The following CHD3 variants were observed in gnomAD, a reference collection of about 807,000 sequenced individuals.
The protein encoded by CHD3 is ATP-dependent chromatin remodeler CHD3.
Under a neutral mutation model 248.9 loss-of-function variants are expected in CHD3, and 52 were observed. The observed-to-expected ratio is 0.21, with a 90% CI of 0.17 to 0.26. The LOEUF is 0.26. Among genes scored for constraint, CHD3 ranks in the 10% least tolerant of loss-of-function variants. The probability of loss-of-function intolerance (pLI) is 1.00; values close to 1 mark genes in which losing one functional copy is unlikely to be tolerated. For synonymous variants in CHD3, 985 were observed against 985.2 expected (o/e 1.00, Z 0.00); for missense variants, 1,482 against 2,605.8 (o/e 0.57, Z 9.39).
Position 7,897,621 on chromosome 17 carries a change from T to C in CHD3, c.1919+327T>C, listed in dbSNP as rs550329451. Among the ~76,000 whole-genome samples the C allele has an allele frequency of 6.6e-6, 1 of 152,196 alleles. No homozygotes were observed. The highest frequency in any genetic ancestry group is 1.5e-5 in the Non-Finnish European group (1 of 68,032). On this transcript the variant is annotated intron_variant, in intron 11 of 39. Transcript: ENST00000330494. The surrounding 1 kb of genome is among the most constrained non-coding windows in gnomAD (Gnocchi z 4.8). ...AGACCAGTGTTTTGAATGTTTCTTC[T>C]TCATAGTACTTATTACTGCCTAAAC...
At chr17:7,890,544 A>C in intron 2 of CHD3, 27 bp from the exon 3 acceptor site, 1 of 1,485,278 alleles carries the variant, frequency 6.7e-7, no homozygotes, top group Non-Finnish European at 9.1e-7. Flanking sequence ...GGGATGAATA[A>C]ATGTTATTTT....
chr17:7,909,389 G>A lies in CHD3; in HGVS notation c.5590+51G>A. On this transcript the variant is annotated intron_variant, in intron 37 of 39. Coordinates refer to ENST00000330494, the MANE Select transcript of CHD3 (RefSeq NM_001005273.3). The surrounding 1 kb of genome is among the most constrained non-coding windows in gnomAD (Gnocchi z 8.1). Reference sequence around the variant, plus strand: ...GGGGAGGGCCCACAACGCTGCGTAAGTCTTCACCCCGCACCCCTCAAAATC... The same window carrying A: ...GGGGAGGGCCCACAACGCTGCGTAAATCTTCACCCCGCACCCCTCAAAATC... 1 of 1,495,138 alleles carries A rather than the reference G, an allele frequency of 6.7e-7. No homozygotes were observed. The highest frequency in any genetic ancestry group is 8.9e-7 in the Non-Finnish European group (1 of 1,119,828). The allele number at this position is 1,495,138 out of a possible 1,614,324, so 92.6% of individuals were successfully genotyped here.
In CHD3 at chr17:7,890,689, A is replaced by T. The variant is rs1244841378; in HGVS notation, c.332A>T (p.Lys111Met). 1.2e-6 allele frequency: 2 copies of T among 1,602,480 alleles called. No homozygotes were observed. The highest frequency in any genetic ancestry group is 1.4e-5 in the African/African-American group (1 of 73,520). Reference sequence around the variant, plus strand: ...CGAAGAAGGAAGCACCGAGAAAAAAAGGAGAAGAAGACAAAGCGGCGGAAA... The same window carrying T: ...CGAAGAAGGAAGCACCGAGAAAAAATGGAGAAGAAGACAAAGCGGCGGAAA... ...RKRRRKHREK[K>M]EKKTKRRKKG... The change falls in exon 3 of 40, where the codon AAG becomes ATG. Residue 111 changes from lysine to methionine, a missense_variant. Coordinates refer to ENST00000330494, the MANE Select transcript of CHD3 (RefSeq NM_001005273.3).
chr17:7,911,572 G>T lies in CHD3; in HGVS notation c.5990G>T (p.Cys1997Phe). ...GAGCCCCGAGCCGGGGAGGTGATCT[G>T]TATAGACGACTGACTGGATCCCAGG... Reference protein sequence around the residue: ...RKEPRAGEVICIDD With the variant: ...RKEPRAGEVIFIDD The change falls in exon 40 of 40, where the codon TGT (cysteine) becomes TTT (phenylalanine). Residue 1997 changes from cysteine to phenylalanine, a missense_variant. Cys to Phe is a radical substitution (Grantham distance 205). This residue lies in a region of CHD3 where 117 missense variants were observed against 137.2 expected (regional missense o/e 0.85). Coordinates refer to ENST00000330494, the MANE Select transcript of CHD3 (RefSeq NM_001005273.3). This position sits in a 1 kb window ranked among gnomAD's most constrained non-coding sequence, Gnocchi z 5.4. 1 of 1,614,128 alleles carries T rather than the reference G, an allele frequency of 6.2e-7. No homozygotes were observed. The highest frequency in any genetic ancestry group is 8.5e-7 in the Non-Finnish European group (1 of 1,179,980).
In CHD3 at chr17:7,910,343, C is replaced by T; in HGVS notation, c.5591-85C>T. The T allele has an allele frequency of 6.6e-7, 1 of 1,521,176 alleles. No homozygotes were observed. The highest frequency in any genetic ancestry group is 9.1e-7 in the Non-Finnish European group (1 of 1,096,316). The allele number at this position is 1,521,176 out of a possible 1,614,324, so 94.2% of individuals were successfully genotyped here. Reference sequence around the variant, plus strand: ...CGCTCTTTTTCTGCCTGTATCTGTCCATCTGATGCCTCTCTTTTCCTGGCT... The same window carrying T: ...CGCTCTTTTTCTGCCTGTATCTGTCTATCTGATGCCTCTCTTTTCCTGGCT... On this transcript the variant is annotated intron_variant, in intron 37 of 39. Transcript: ENST00000330494. The surrounding 1 kb of genome is among the most constrained non-coding windows in gnomAD (Gnocchi z 4.7).
upstream of CHD3, among the ~76,000 whole-genome samples, chr17:7,885,710 C>T (rs1597897900): frequency 6.6e-6 from 1 of 152,250 alleles, no homozygotes; most frequent in East Asian, 1.9e-4. Context: ...CGGTGTCCAT[C>T]GGACCCCCCT....
chr17:7,889,584 G>A lies in CHD3; in HGVS notation c.101-80G>A, dbSNP rs1221374804. ...CTTCCTAGAGAGTGGGAACTGCCGA[G>A]GTGGGGAAGGGGCAAGTTGAGGGGC... is the stretch of plus-strand genomic sequence containing the variant. On this transcript the variant is annotated intron_variant, in intron 1 of 39. Coordinates refer to ENST00000330494, the MANE Select transcript of CHD3 (RefSeq NM_001005273.3). The surrounding 1 kb of genome is among the most constrained non-coding windows in gnomAD (Gnocchi z 4.5). 1.7e-6 allele frequency: 2 copies of A among 1,191,824 alleles called. No homozygotes were observed. The highest frequency in any genetic ancestry group is 2.1e-5 in the Admixed American group (1 of 47,220). 73.8% of individuals were successfully genotyped at this position (1,191,824 alleles called of 1,614,324 possible).
chr17:7,910,513 C>G lies in CHD3; in HGVS notation c.5676C>G (p.Ile1892Met). 2 of 1,613,958 alleles carry G rather than the reference C, an allele frequency of 1.2e-6. No homozygotes were observed. Among genetic ancestry groups the G allele is most frequent in the Non-Finnish European group, 1.7e-6 (2 of 1,180,028 alleles). Residue 1892 changes from isoleucine to methionine, a missense_variant, in exon 38 of 40, where the codon ATC becomes ATG. Coordinates refer to ENST00000330494, the MANE Select transcript of CHD3 (RefSeq NM_001005273.3). This position sits in a 1 kb window ranked among gnomAD's most constrained non-coding sequence, Gnocchi z 4.7. ...CCACGCTGTCCCGAATACCCCCCAT[C>G]GCAGCCCGCCTTCAGATGTCCGAGC... ...LPATLSRIPP[I>M]AARLQMSERS...
intron 20 of CHD3, among the ~76,000 whole-genome samples, chr17:7,901,606 G>A (rs1324484661): frequency 6.6e-6 from 1 of 150,682 alleles, no homozygotes; most frequent in African/African-American, 2.4e-5. Flanking sequence ...TGCTTCCTGG[G>A]TTCAAGTGAT....
rs1212287446 is a variant in CHD3 at position 7,906,482 on chromosome 17, C to T, written c.4359-71C>T. ...GGGTTTGGGGGTCCTCAGTCATCCTCGCGCCTCCCTCACTGCCCTATACCC... is the reference window on the plus strand; with the variant it reads ...GGGTTTGGGGGTCCTCAGTCATCCTTGCGCCTCCCTCACTGCCCTATACCC... On this transcript the variant is annotated intron_variant, in intron 28 of 39. Coordinates refer to ENST00000330494, the MANE Select transcript of CHD3 (RefSeq NM_001005273.3). This position sits in a 1 kb window ranked among gnomAD's most constrained non-coding sequence, Gnocchi z 5.0. 2.6e-6 allele frequency: 4 copies of T among 1,541,642 alleles called. No individual in the cohort carries two copies. The highest frequency in any genetic ancestry group is 1.8e-5 in the Admixed American group (1 of 56,794).
At chr17:7,891,198 C>A in intron 4 of CHD3, 134 bp downstream of exon 4, 1 of 1,073,922 alleles carries the variant, frequency 9.3e-7, no homozygotes, top group South Asian at 1.6e-5. Flanking sequence ...AAATTCTACA[C>A]GTCATTTCAG....
In CHD3 at chr17:7,904,358, C is replaced by T. The variant is rs531646922; in HGVS notation, c.3895-84C>T. 142 of 1,332,712 alleles carry T rather than the reference C, an allele frequency of 1.1e-4. 1 individual carries two copies. In the South Asian group the frequency reaches 1.6e-3, roughly 15 times the overall value. 82.6% of individuals were successfully genotyped at this position (1,332,712 alleles called of 1,614,324 possible). ...GAGTGGGGAGACCGGATTGGGCTGACGCAGCAGAGTAGGGATTTCCTTGCA... is the reference window on the plus strand; with the variant it reads ...GAGTGGGGAGACCGGATTGGGCTGATGCAGCAGAGTAGGGATTTCCTTGCA... On this transcript the variant is annotated intron_variant, in intron 24 of 39. Transcript: ENST00000330494. This position sits in a 1 kb window ranked among gnomAD's most constrained non-coding sequence, Gnocchi z 4.4.
At position 7,903,635 on chromosome 17, in the gene CHD3, C is replaced by G. The variant is rs770498658; in HGVS notation, c.3727+132C>G. 1.5e-5 allele frequency: 15 copies of G among 1,010,158 alleles called. No homozygotes were observed. Among genetic ancestry groups the G allele is most frequent in the Non-Finnish European group, 2.2e-5 (15 of 692,362 alleles). 62.6% of individuals were successfully genotyped at this position (1,010,158 alleles called of 1,614,324 possible). On this transcript the variant is annotated intron_variant, in intron 23 of 39. Coordinates refer to ENST00000330494, the MANE Select transcript of CHD3 (RefSeq NM_001005273.3). This position sits in a 1 kb window ranked among gnomAD's most constrained non-coding sequence, Gnocchi z 6.8. The stretch of plus-strand genomic sequence containing the variant: ...GAAGGAGAGCCTTCTTTTAGTAGCC[C>G]TTGGAGGAAGGTTGGCCTCTTTCTT...
Position 7,897,535 on chromosome 17 carries a change from CAT to C in CHD3, c.1919+243_1919+244del, listed in dbSNP as rs1969835810. Among the ~76,000 whole-genome samples, 1 of 152,182 alleles carries C rather than the reference CAT, an allele frequency of 6.6e-6. No individual in the cohort carries two copies. The highest frequency in any genetic ancestry group is 2.1e-4 in the South Asian group (1 of 4,830). On this transcript the variant is annotated intron_variant, in intron 11 of 39. Coordinates refer to ENST00000330494, the MANE Select transcript of CHD3 (RefSeq NM_001005273.3). The surrounding 1 kb of genome is among the most constrained non-coding windows in gnomAD (Gnocchi z 4.8). ...TCCTGTCATCTCCAGTGGCATAAGA[CAT>C]AGCACATGAGTCTGGGGATGAGGGC...
chr17:7,905,505 C>G lies in CHD3; in HGVS notation c.4139-116C>G. The G allele has an allele frequency of 1.3e-6, 1 of 797,442 alleles. No individual in the cohort carries two copies. The highest frequency in any genetic ancestry group is 2.0e-6 in the Non-Finnish European group (1 of 503,148). The allele number at this position is 797,442 out of a possible 1,614,324, so 49.4% of individuals were successfully genotyped here. A position where few individuals can be genotyped will look rare whatever the true frequency, so the allele number is the denominator to read the frequency against. On this transcript the variant is annotated intron_variant, in intron 26 of 39. Transcript: ENST00000330494. This position sits in a 1 kb window ranked among gnomAD's most constrained non-coding sequence, Gnocchi z 5.8. ...GTGCTTGGGAGAGAATTGGGAGCAC[C>G]TCAAACGTGACAGGAATGTTCCTGT...
rs148451716 is a variant in CHD3, at chr17:7,906,932, G to A, written c.4567G>A (p.Ala1523Thr). The change falls in exon 30 of 40, where the codon GCC (alanine) becomes ACC (threonine). Residue 1523 changes from alanine to threonine, a missense_variant. Ala to Thr is a moderately conservative substitution (Grantham distance 58). Transcript: ENST00000330494. This position sits in a 1 kb window ranked among gnomAD's most constrained non-coding sequence, Gnocchi z 5.0. The part of the protein sequence containing the change: ...SMPELMPDPS[A>T]DSKRSSRASS... ...GCCGGAACTGATGCCTGACCCCAGCGCCGATTCTAAGCGCTCCTCCAGAGC... is the reference window on the plus strand; with the variant it reads ...GCCGGAACTGATGCCTGACCCCAGCACCGATTCTAAGCGCTCCTCCAGAGC... The A allele has an allele frequency of 2.1e-4, 344 of 1,613,942 alleles. No individual in the cohort carries two copies. The highest frequency in any genetic ancestry group is 2.6e-4 in the Non-Finnish European group (310 of 1,180,012).
In CHD3 at chr17:7,890,758, A is replaced by T; in HGVS notation, c.384+17A>T. 1.3e-6 allele frequency: 2 copies of T among 1,588,996 alleles called. No individual in the cohort carries two copies. The highest frequency in any genetic ancestry group is 1.7e-6 in the Non-Finnish European group (2 of 1,169,430). ...GGGCAAAAGGTGAGTAGAATTAGGG[A>T]ATGAGAGTGAGAAATCTGCATTAAA... On this transcript the variant is annotated intron_variant, in intron 3 of 39. Transcript: ENST00000330494.
At position 7,906,886 on chromosome 17, in the gene CHD3, C is replaced by T. The variant is rs375165452; in HGVS notation, c.4521C>T (p.His1507=). The T allele has an allele frequency of 4.3e-6, 7 of 1,614,092 alleles. No individual in the cohort carries two copies. The highest frequency in any genetic ancestry group is 5.9e-6 in the Non-Finnish European group (7 of 1,180,004). ...CACCCCAGGTGCAGGAGTTTGAGCA[C>T]ATCAATGGGCGTTGGTCAATGCCGG... ...LVKKKVQEFE[H]INGRWSMPEL... The change falls in exon 30 of 40, where the codon CAC becomes CAT. Residue 1507 remains histidine, a synonymous_variant. Coordinates refer to ENST00000330494, the MANE Select transcript of CHD3 (RefSeq NM_001005273.3). The surrounding 1 kb of genome is among the most constrained non-coding windows in gnomAD (Gnocchi z 5.0).
rs931543 is a variant in CHD3, at chr17:7,889,008, C to A, written c.8C>A (p.Ala3Glu). MK[A>E]ADTVILWARS... ...GAGACTTTCTCCTGTGTGATGAAGGCGGCAGACACTGTGATCCTGTGGGCA... is the reference window on the plus strand; with the variant it reads ...GAGACTTTCTCCTGTGTGATGAAGGAGGCAGACACTGTGATCCTGTGGGCA... The change falls in exon 1 of 40, where the codon GCG (alanine) becomes GAG (glutamate). Residue 3 changes from alanine to glutamate, a missense_variant. This residue lies in a region of CHD3 where 169 missense variants were observed against 168.1 expected (regional missense o/e 1.01). Transcript: ENST00000330494. The surrounding 1 kb of genome is among the most constrained non-coding windows in gnomAD (Gnocchi z 4.5). 6.2e-5 allele frequency: 100 copies of A among 1,613,980 alleles called. 1 individual carries two copies. Among genetic ancestry groups the A allele is most frequent in the Non-Finnish European group, 7.7e-5 (91 of 1,180,022 alleles).
Sources: gnomAD v4.1 joint callset for allele counts (sites outside exome capture counted in the v4.1 genomes callset) on GRCh38, gnomAD v4.1.1 for gene constraint, gnomAD v4.1.1 regional missense constraint, Gnocchi (gnomAD v3.1) non-coding constraint, MANE v1.5 for transcripts, NCBI Gene and HGNC (gene_info 2026-07-23, HGNC 2026-07-21) for gene names.